CILK1: variants seen among roughly 807,000 people sequenced by gnomAD.
The protein encoded by CILK1 is ciliogenesis associated kinase 1, also known as serine/threonine-protein kinase ICK.
A neutral mutation model predicts 79.2 loss-of-function variants in CILK1; 47 were observed. The observed-to-expected ratio is 0.59, with a 90% CI of 0.47 to 0.76. The LOEUF (loss-of-function observed/expected upper bound fraction) is 0.76, where lower values mean the gene tolerates loss of function less well. Among genes scored for constraint, CILK1 ranks in the 30% least tolerant of loss-of-function variants. The pLI is 0.00. For synonymous variants in CILK1, 266 were observed against 275.9 expected, an observed-to-expected ratio of 0.96 and a Z score of 0.36; for missense variants, 660 against 769.5, an observed-to-expected ratio of 0.86 and a Z score of 1.68.
At chr6:53,034,752 A>G (rs1277074341) in intron 3 of CILK1, among the ~76,000 whole-genome samples, 1 of 152,252 alleles carries the variant, frequency 6.6e-6, no homozygotes, top group Admixed American at 6.5e-5. Flanking sequence ...AATAAAATAA[A>G]GAAGATCATA....
At position 53,039,166 on chromosome 6, in the gene CILK1, AG is replaced by A. The variant is rs1196246376; in HGVS notation, c.102-1174del. 4.1e-5 allele frequency among the ~76,000 whole-genome samples: 6 copies of A among 147,906 alleles called. No homozygotes were observed. The East Asian group carries it at 1.2e-3, about 29-fold the overall frequency. ...TATGTAGTACAGTAGGTGCCTTGTC[AG>A]GCACTGGAGAGACAATGATGAGAAA... is the stretch of plus-strand genomic sequence containing the variant. On this transcript the variant is annotated intron_variant, in intron 2 of 13. Transcript: ENST00000676107.
intron 1 of CILK1, chr6:53,054,659 T>C (rs1289008822): frequency 6.6e-6 from 1 of 152,298 alleles, no homozygotes; most frequent in Non-Finnish European, 1.5e-5. Context: ...TCCCCCTCCA[T>C]GCGGTCAGAT....
In CILK1 at chr6:53,001,414, G is replaced by T. The variant is rs1763937805; in HGVS notation, c.*3735C>A. On this transcript the variant is annotated 3_prime_UTR_variant, in exon 14 of 14. Coordinates refer to ENST00000676107, the MANE Select transcript of CILK1 (RefSeq NM_014920.5). ...TTAAAAAGCAACATTTTTTATTTCA[G>T]AAGGGTCTTGCTTAAGTGGTTTTCT... 6.6e-6 allele frequency: 1 copy of T among 152,250 alleles called. No homozygotes were observed. The highest frequency in any genetic ancestry group is 6.5e-5 in the Admixed American group (1 of 15,284). The allele number at this position is 152,250 out of a possible 1,614,324, so 9.4% of individuals were successfully genotyped here.
Position 53,036,359 on chromosome 6 carries a change from C to T in CILK1, c.156+1580G>A, listed in dbSNP as rs541474737. Among the ~76,000 whole-genome samples the T allele has an allele frequency of 9.9e-5, 15 of 152,056 alleles. No homozygotes were observed. In the South Asian group the frequency reaches 2.5e-3, roughly 25 times the overall value. On this transcript the variant is annotated intron_variant, in intron 3 of 13. Transcript: ENST00000676107. ...AGAACAGAGGTTGGCAAACTATGTC[C>T]CATGGGTGAAATCCAGCCCACCACA...
chr6:53,018,556 T>C (rs1765030322), intron 6 of CILK1, 55 bp from the exon 7 acceptor site: 2 of 1,532,390 alleles, frequency 1.3e-6, no homozygotes, highest in Admixed American at 3.4e-5. Flanking sequence ...AGACATTAAA[T>C]TAAATAACAA....
intron 1 of CILK1, among the ~76,000 whole-genome samples, chr6:53,048,442 G>A (rs1161094045): frequency 6.6e-6 from 1 of 152,114 alleles, no homozygotes; most frequent in East Asian, 1.9e-4. Flanking sequence ...AAAGTGAATG[G>A]TATTAGCCAA....
At position 53,021,550 on chromosome 6, in the gene CILK1, C is replaced by G. The variant is rs79930626; in HGVS notation, c.359-2191G>C. Among the ~76,000 whole-genome samples, 1,279 of 152,232 alleles carry G rather than the reference C, an allele frequency of 8.4e-3. 18 individuals carry two copies. Among genetic ancestry groups the G allele is most frequent in the African/African-American group, 0.028 (1,174 of 41,530 alleles). On this transcript the variant is annotated intron_variant, in intron 5 of 13. Transcript: ENST00000676107. ...TAAACAGGGCTGAACTCCTTTCACT[C>G]TACCTAAAGAGAGAAACTTATTTTC... is the stretch of plus-strand genomic sequence containing the variant.
At chr6:53,016,378 C>T in intron 7 of CILK1, 128 bp from the exon 8 acceptor site, 1 of 815,162 alleles carries the variant, frequency 1.2e-6, no homozygotes, top group East Asian at 2.6e-5. Context: ...TAACCACCCA[C>T]ATTCACTACT....
At chr6:53,054,218 T>G (rs912527764) in intron 1 of CILK1, among the ~76,000 whole-genome samples, 1 of 152,072 alleles carries the variant, frequency 6.6e-6, no homozygotes, top group Non-Finnish European at 1.5e-5. Context: ...AACCTACACA[T>G]ATAGACCCGA....
intron 1 of CILK1, chr6:53,061,089 T>C (rs919988084): frequency 5.3e-5 from 8 of 152,214 alleles, no homozygotes; most frequent in African/African-American, 1.9e-4. Context: ...AAGTCCTTAA[T>C]GTTAGTGTCA....
Position 53,013,907 on chromosome 6 carries a change from G to T in CILK1, c.907C>A (p.Pro303Thr), listed in dbSNP as rs750217190. The T allele has an allele frequency of 1.2e-6, 2 of 1,614,110 alleles. No individual in the cohort carries two copies. The highest frequency in any genetic ancestry group is 1.7e-5 in the Admixed American group (1 of 60,018). ...GCCTTTTCCAGGATGCCTTTCTGTG[G>T]TTTTTCTGAATCCTGAAGGTTTTGT... ...TTQNLQDSEK[P>T]QKGILEKAGP... The change falls in exon 9 of 14, where the codon CCA becomes ACA. Residue 303 changes from proline to threonine, a missense_variant. By Grantham distance (38) the Pro-to-Thr change is conservative. Coordinates refer to ENST00000676107, the MANE Select transcript of CILK1 (RefSeq NM_014920.5).
At chr6:53,031,285 T>G in intron 4 of CILK1, 141 bp from the exon 5 acceptor site, 1 of 634,700 alleles carries the variant, frequency 1.6e-6, no homozygotes, top group Non-Finnish European at 2.8e-6. Flanking sequence ...AACAAAAAGA[T>G]TAAACATTTG....
chr6:53,053,998 AAAAAAAAAG>A (rs1767667273), intron 1 of CILK1, among the ~76,000 whole-genome samples: 1 of 151,462 alleles, frequency 6.6e-6, no homozygotes, highest in Non-Finnish European at 1.5e-5. Context: ...TTGTCTAAGA[AAAAAAAAAG>A]GATAAATGTT....
chr6:53,053,767 G>A lies in CILK1; in HGVS notation c.-173+7829C>T, dbSNP rs140172081. 2.8e-3 allele frequency among the ~76,000 whole-genome samples: 426 copies of A among 152,266 alleles called. 1 individual carries two copies. The highest frequency in any genetic ancestry group is 7.3e-3 in the African/African-American group (303 of 41,552). ...CTTCATTCTGCAATCAAATATCAGC[G>A]AATCCTCTGGAGCCATTGGCAGCAC... On this transcript the variant is annotated intron_variant, in intron 1 of 13. Transcript: ENST00000676107.
rs186881673 is a variant in CILK1, at chr6:53,056,121, A to C, written c.-173+5475T>G. Reference sequence around the variant, plus strand: ...ATAAGTAGCTGGACGTTACACAATAATACTTTACCTTTCTGGTTCTAACGC... The same window carrying C: ...ATAAGTAGCTGGACGTTACACAATACTACTTTACCTTTCTGGTTCTAACGC... On this transcript the variant is annotated intron_variant, in intron 1 of 13. Coordinates refer to ENST00000676107, the MANE Select transcript of CILK1 (RefSeq NM_014920.5). Among the ~76,000 whole-genome samples, 3 of 152,328 alleles carry C rather than the reference A, an allele frequency of 2.0e-5. No homozygotes were observed. In the South Asian group the frequency reaches 6.2e-4, roughly 32 times the overall value.
At chr6:53,044,453 T>C (rs1354124534) in intron 1 of CILK1, among the ~76,000 whole-genome samples, 1 of 152,230 alleles carries the variant, frequency 6.6e-6, no homozygotes, top group East Asian at 1.9e-4. Context: ...GTTACTGTCC[T>C]GTGATTCAGT....
At chr6:53,028,949 T>TTG (rs762588648) in intron 5 of CILK1, among the ~76,000 whole-genome samples, 14 of 151,344 alleles carry the variant, frequency 9.3e-5, no homozygotes, top group African/African-American at 1.7e-4. Flanking sequence ...GTCTATGTGT[T>TTG]TGTGTGTGTG....
chr6:53,041,218 T>C lies in CILK1; in HGVS notation c.19A>G (p.Ile7Val), dbSNP rs558312131. 134 of 1,613,478 alleles carry C rather than the reference T, an allele frequency of 8.3e-5. No individual in the cohort carries two copies. In the South Asian group the frequency reaches 1.2e-3, roughly 15 times the overall value. Residue 7 changes from isoleucine (I) to valine (V), a missense_variant, in exon 2 of 14, where the codon ATC (isoleucine) becomes GTC (valine). Coordinates refer to ENST00000676107, the MANE Select transcript of CILK1 (RefSeq NM_014920.5). MNRYTT[I>V]RQLGDGTYGS... The stretch of plus-strand genomic sequence containing the variant: ...TAGGTTCCATCCCCGAGCTGCCTGA[T>C]TGTTGTGTATCTATTCATGGTGTGC...
chr6:53,046,256 T>G (rs756632347), intron 1 of CILK1, among the ~76,000 whole-genome samples: 8 of 152,222 alleles, frequency 5.3e-5, no homozygotes, highest in Non-Finnish European at 7.3e-5. Context: ...CAAAACTTAA[T>G]AGTAACCTAT....
Sources: gnomAD v4.1 joint callset for allele counts (sites outside exome capture counted in the v4.1 genomes callset) on GRCh38, gnomAD v4.1.1 for gene constraint, MANE v1.5 for transcripts, NCBI Gene and HGNC (gene_info 2026-07-23, HGNC 2026-07-21) for gene names.